Variants in ADGB observed in about 807,000 individuals in gnomAD.
ADGB encodes the protein calpain-7-like protein.
In ADGB, 172 loss-of-function variants were observed where a neutral mutation model predicts 210.5. The ratio of observed to expected loss-of-function variants is 0.82; its 90% CI spans 0.72 to 0.93. The LOEUF (loss-of-function observed/expected upper bound fraction) is 0.93, where lower values mean the gene tolerates loss of function less well. Ranked by LOEUF, ADGB falls within the 40% of genes least tolerant of loss-of-function variation. ADGB has a pLI of 0.00. For synonymous variants in ADGB, 658 were observed against 662.7 expected, an observed-to-expected ratio of 0.99 and a Z score of 0.11; for missense variants, 2,025 against 1,964.8, an observed-to-expected ratio of 1.03 and a Z score of -0.58.
At chr6:146,692,944 G>A in intron 12 of ADGB, 29 bp downstream of exon 12, 2 of 1,257,734 alleles carry the variant, frequency 1.6e-6, no homozygotes, top group Non-Finnish European at 2.2e-6. Flanking sequence ...CCTCACAAAT[G>A]TGTCTTGTTA....
chr6:146,787,718 CT>C (rs1777894764), intron 32 of ADGB, among the ~76,000 whole-genome samples: 1 of 147,892 alleles, frequency 6.8e-6, no homozygotes, highest in African/African-American at 2.5e-5. Flanking sequence ...CTATTGCCAC[CT>C]TTCTTATTTC....
chr6:146,676,395 A>C lies in ADGB; in HGVS notation c.1170A>C (p.Ser390=), dbSNP rs753505440. ...AATTCAAATTCTCACTTCATGGTTC[A>C]AGACCCTCATCAGAAGTGCAGTACT... is the stretch of plus-strand genomic sequence containing the variant. ...KEKFKFSLHG[S]RPSSEVQYSV... The change falls in exon 9 of 36, where the codon TCA becomes TCC. Residue 390 remains serine (S), a synonymous_variant. Transcript: ENST00000397944. 1 of 1,547,942 alleles carries C rather than the reference A, an allele frequency of 6.5e-7. No individual in the cohort carries two copies.
chr6:146,790,316 T>C (rs539470062), intron 33 of ADGB, among the ~76,000 whole-genome samples: 8 of 152,302 alleles, frequency 5.3e-5, no homozygotes, highest in Admixed American at 2.0e-4. Context: ...CTATACCCTT[T>C]GACCAACATT....
At chr6:146,690,165 C>G (rs1776283014) in intron 10 of ADGB, among the ~76,000 whole-genome samples, 1 of 152,074 alleles carries the variant, frequency 6.6e-6, no homozygotes, top group Non-Finnish European at 1.5e-5. Context: ...AGCTCTACAG[C>G]AGAGTTGTGA....
At chr6:146,717,116 C>A (rs1275117323) in intron 15 of ADGB, 47 bp downstream of exon 15, 5 of 1,423,594 alleles carry the variant, frequency 3.5e-6, no homozygotes, top group East Asian at 5.0e-5. Context: ...AGTGGTTAAA[C>A]CCTGAGCTGC....
intron 29 of ADGB, among the ~76,000 whole-genome samples, chr6:146,779,963 T>C (rs1416894246): frequency 6.7e-6 from 1 of 149,826 alleles, no homozygotes; most frequent in Non-Finnish European, 1.5e-5. Context: ...TATAAATGTA[T>C]TTTTTTTTGC....
chr6:146,745,963 A>G lies in ADGB; in HGVS notation c.3219A>G (p.Thr1073=), dbSNP rs1309712446. The G allele has an allele frequency of 1.3e-6, 2 of 1,551,026 alleles. No individual in the cohort carries two copies. Among genetic ancestry groups the G allele is most frequent in the South Asian group, 2.4e-5 (2 of 84,016 alleles). ...TGGCGGAAGCATTTACAGGCGACAC[A>G]TATGTAGCAGCCTCACGATGGAAAC... is the stretch of plus-strand genomic sequence containing the variant. ...TFVAEAFTGD[T]YVAASRWKLR... is the part of the protein sequence containing the mutation. Residue 1073 remains threonine (T), a synonymous_variant, in exon 26 of 36, where the codon ACA becomes ACG. Coordinates refer to ENST00000397944, the MANE Select transcript of ADGB (RefSeq NM_024694.4).
chr6:146,643,626 C>T (rs1490859969), intron 2 of ADGB, among the ~76,000 whole-genome samples: 2 of 151,702 alleles, frequency 1.3e-5, no homozygotes, highest in Admixed American at 6.6e-5. Context: ...CACTAACTGA[C>T]CCATAATAAG....
In ADGB at chr6:146,815,324, C is replaced by A; in HGVS notation, c.*107C>A. 1 of 876,474 alleles carries A rather than the reference C, an allele frequency of 1.1e-6. No homozygotes were observed. Among genetic ancestry groups the A allele is most frequent in the East Asian group, 3.3e-5 (1 of 30,264 alleles). The allele number at this position is 876,474 out of a possible 1,614,324, so 54.3% of individuals were successfully genotyped here. On this transcript the variant is annotated 3_prime_UTR_variant, in exon 36 of 36. Coordinates refer to ENST00000397944, the MANE Select transcript of ADGB (RefSeq NM_024694.4). Reference sequence around the variant, plus strand: ...TTAGGCCAAATGAAAATAGAAATTTCTCTTTCTTAGAAATATTTTAATGCT... The same window carrying A: ...TTAGGCCAAATGAAAATAGAAATTTATCTTTCTTAGAAATATTTTAATGCT...
chr6:146,630,855 G>C (rs1781054924), intron 1 of ADGB, among the ~76,000 whole-genome samples: 1 of 152,134 alleles, frequency 6.6e-6, no homozygotes. Context: ...GAGTAGGTTT[G>C]TGACTTGCTT....
intron 3 of ADGB, among the ~76,000 whole-genome samples, chr6:146,649,192 T>C (rs1288385822): frequency 6.6e-6 from 1 of 151,070 alleles, no homozygotes; most frequent in African/African-American, 2.4e-5. Flanking sequence ...ATTTATGAAG[T>C]CTGTAAACAT....
chr6:146,646,616 G>A (rs750233945), intron 3 of ADGB, among the ~76,000 whole-genome samples: 21 of 152,076 alleles, frequency 1.4e-4, no homozygotes, highest in Non-Finnish European at 2.8e-4. Context: ...TGGGGTGAAG[G>A]TAGTGATACT....
At chr6:146,712,407 A>G (rs1264703279) in intron 13 of ADGB, among the ~76,000 whole-genome samples, 1 of 151,952 alleles carries the variant, frequency 6.6e-6, no homozygotes, top group Non-Finnish European at 1.5e-5. Flanking sequence ...GGCCGGTCTT[A>G]AACTCCTAAC....
chr6:146,744,998 T>C (rs529322424), intron 25 of ADGB, among the ~76,000 whole-genome samples: 6 of 152,134 alleles, frequency 3.9e-5, no homozygotes, highest in Admixed American at 2.0e-4. Flanking sequence ...TATTATACAT[T>C]TTTTTTACTT....
At chr6:146,647,594 G>A (rs1408636563) in intron 3 of ADGB, among the ~76,000 whole-genome samples, 1 of 151,856 alleles carries the variant, frequency 6.6e-6, no homozygotes, top group Admixed American at 6.6e-5. Flanking sequence ...TTATAGTTTG[G>A]GAAAACATTG....
chr6:146,799,145 A>G (rs1778087234), intron 33 of ADGB, among the ~76,000 whole-genome samples: 1 of 151,904 alleles, frequency 6.6e-6, no homozygotes, highest in Non-Finnish European at 1.5e-5. Context: ...CATCCTGATA[A>G]AGACTCTACA....
chr6:146,741,401 A>G lies in ADGB; in HGVS notation c.3177+130A>G. 5.4e-6 allele frequency: 4 copies of G among 738,952 alleles called. No individual in the cohort carries two copies. In the South Asian group the frequency reaches 6.5e-5, roughly 12 times the overall value. The allele number at this position is 738,952 out of a possible 1,614,324, so 45.8% of individuals were successfully genotyped here. A position where few individuals can be genotyped will look rare whatever the true frequency, so the allele number is the denominator to read the frequency against. ...CAGACAAATAAGGCCCTGATCTTTCACTATAGAAGTCCCATATATTTAACA... is the reference window on the plus strand; with the variant it reads ...CAGACAAATAAGGCCCTGATCTTTCGCTATAGAAGTCCCATATATTTAACA... On this transcript the variant is annotated intron_variant, in intron 25 of 35. Transcript: ENST00000397944.
chr6:146,626,990 C>T (rs1422307491), intron 1 of ADGB, among the ~76,000 whole-genome samples: 3 of 151,934 alleles, frequency 2.0e-5, no homozygotes, highest in Admixed American at 1.3e-4. Flanking sequence ...ATTCATTAAT[C>T]ACCTACAATG....
intron 13 of ADGB, among the ~76,000 whole-genome samples, chr6:146,708,426 C>CT (rs1260852747): frequency 6.6e-6 from 1 of 151,958 alleles, no homozygotes; most frequent in African/African-American, 2.4e-5. Flanking sequence ...ATTCCCTCAG[C>CT]TTTTTTTGTT....
Sources: allele counts gnomAD v4.1 joint callset (sites outside exome capture counted in the v4.1 genomes callset), GRCh38; gene constraint gnomAD v4.1.1; transcripts MANE v1.5; gene names NCBI Gene and HGNC (gene_info 2026-07-23, HGNC 2026-07-21).